Variants in GPC5 observed in about 807,000 individuals in gnomAD.
GPC5 encodes the protein glypican 5.
In GPC5, 47 loss-of-function variants were observed where a neutral mutation model predicts 53.9. The ratio of observed to expected loss-of-function variants is 0.87; its 90% confidence interval spans 0.69 to 1.11. GPC5 has a LOEUF of 1.11. GPC5 is among the 50% of genes most tolerant of loss of function. The pLI is 0.00. For synonymous variants in GPC5, 286 were observed against 263.3 expected (o/e 1.09, Z -0.84); for missense variants, 748 against 713.1 (o/e 1.05, Z -0.56).
chr13:92,697,706 G>T (rs538406290), intron 7 of GPC5, among the ~76,000 whole-genome samples: 42 of 152,142 alleles, frequency 2.8e-4, no homozygotes, highest in African/African-American at 1.0e-3. Flanking sequence ...TTACCTGATT[G>T]CCCTGGCCAG....
chr13:92,639,928 G>T (rs1429622703), intron 7 of GPC5, among the ~76,000 whole-genome samples: 1 of 151,784 alleles, frequency 6.6e-6, no homozygotes, highest in Non-Finnish European at 1.5e-5. Flanking sequence ...CCTACTCACT[G>T]CTTCTAGAAA....
chr13:92,406,646 T>C (rs1875808831), intron 7 of GPC5, among the ~76,000 whole-genome samples: 1 of 152,184 alleles, frequency 6.6e-6, no homozygotes, highest in African/African-American at 2.4e-5. Context: ...TTAACTCATA[T>C]CATGTTTACT....
intron 7 of GPC5, among the ~76,000 whole-genome samples, chr13:92,481,759 C>A (rs1879364794): frequency 6.6e-6 from 1 of 151,924 alleles, no homozygotes; most frequent in Admixed American, 6.6e-5. Flanking sequence ...AAATCAAATT[C>A]TATTGGGAGA....
Position 91,816,181 on chromosome 13 carries a change from G to A in GPC5, c.1280+59761G>A, listed in dbSNP as rs569122803. On this transcript the variant is annotated intron_variant, in intron 5 of 7. Transcript: ENST00000377067. Reference sequence around the variant, plus strand: ...AATTTATTTGCGTGTTGACTGCCCCGCCTCCAAGCCCCTCACCCTTCTGCT... The same window carrying A: ...AATTTATTTGCGTGTTGACTGCCCCACCTCCAAGCCCCTCACCCTTCTGCT... Among the ~76,000 whole-genome samples the A allele has an allele frequency of 6.6e-5, 10 of 152,186 alleles. No homozygotes were observed. The South Asian group carries it at 1.9e-3, about 28-fold the overall frequency.
intron 7 of GPC5, among the ~76,000 whole-genome samples, chr13:92,764,016 T>C (rs1406342082): frequency 6.6e-6 from 1 of 152,178 alleles, no homozygotes; most frequent in Non-Finnish European, 1.5e-5. Context: ...GTTTTGCCTG[T>C]AGGGCTGGGC....
chr13:92,809,327 G>T (rs775377977), intron 7 of GPC5, among the ~76,000 whole-genome samples: 2 of 152,130 alleles, frequency 1.3e-5, no homozygotes, highest in Non-Finnish European at 1.5e-5. Flanking sequence ...TCATAGGCAT[G>T]GTTCAAACAT....
chr13:92,385,209 A>G (rs2139313403), intron 7 of GPC5, among the ~76,000 whole-genome samples: 1 of 151,286 alleles, frequency 6.6e-6, no homozygotes, highest in Admixed American at 6.6e-5. Context: ...AATACATTTT[A>G]TTATATTTCA....
At chr13:92,564,598 T>G (rs1486944297) in intron 7 of GPC5, among the ~76,000 whole-genome samples, 1 of 152,034 alleles carries the variant, frequency 6.6e-6, no homozygotes, top group African/African-American at 2.4e-5. Context: ...CATTGAAGTT[T>G]GGGATACAAA....
At chr13:92,514,422 C>T (rs1282692713) in intron 7 of GPC5, among the ~76,000 whole-genome samples, 1 of 152,196 alleles carries the variant, frequency 6.6e-6, no homozygotes, top group East Asian at 1.9e-4. Context: ...GCTCTGTGTT[C>T]AGCCCAGAAA....
At chr13:92,481,281 T>A (rs1337913474) in intron 7 of GPC5, among the ~76,000 whole-genome samples, 2 of 151,926 alleles carry the variant, frequency 1.3e-5, no homozygotes, top group East Asian at 3.9e-4. Context: ...TTTGTATTTT[T>A]AGTAGGAACA....
At chr13:91,763,730 C>T (rs73609143) in intron 5 of GPC5, among the ~76,000 whole-genome samples, 3,791 of 152,134 alleles carry the variant, frequency 0.025, 154 homozygotes, top group African/African-American at 0.085. Flanking sequence ...ATTACACTTT[C>T]TTGGTAGGTA....
rs575090748 is a variant in GPC5, at chr13:92,649,146, C to T, written c.1562-217136C>T. Among the ~76,000 whole-genome samples the T allele has an allele frequency of 1.1e-3, 163 of 152,218 alleles. 1 individual carries two copies. Among genetic ancestry groups the T allele is most frequent in the African/African-American group, 3.6e-3 (151 of 41,552 alleles). ...GCATATTTCTAAATTAATAAGAAAACTGAAAACCACAAACATCTATTTCCA... is the reference window on the plus strand; with the variant it reads ...GCATATTTCTAAATTAATAAGAAAATTGAAAACCACAAACATCTATTTCCA... On this transcript the variant is annotated intron_variant, in intron 7 of 7. Transcript: ENST00000377067.
At chr13:91,891,954 C>T (rs942172533) in intron 5 of GPC5, among the ~76,000 whole-genome samples, 2 of 151,970 alleles carry the variant, frequency 1.3e-5, no homozygotes, top group African/African-American at 2.4e-5. Flanking sequence ...AAACTTAGAA[C>T]AACTATGGAT....
chr13:92,070,483 G>A (rs2041202008), intron 6 of GPC5, among the ~76,000 whole-genome samples: 2 of 152,050 alleles, frequency 1.3e-5, no homozygotes, highest in South Asian at 2.1e-4. Flanking sequence ...TATTAAATGA[G>A]GTCTTCCCAG....
At chr13:91,634,116 G>A (rs550415094) in intron 2 of GPC5, among the ~76,000 whole-genome samples, 1 of 152,062 alleles carries the variant, frequency 6.6e-6, no homozygotes, top group African/African-American at 2.4e-5. Flanking sequence ...CTTCACCTTT[G>A]AGAATCCTGA....
At chr13:92,299,694 C>T (rs2043062027) in intron 7 of GPC5, among the ~76,000 whole-genome samples, 1 of 152,096 alleles carries the variant, frequency 6.6e-6, no homozygotes, top group South Asian at 2.1e-4. Context: ...GATTACTATT[C>T]TAGTTTAAAA....
intron 1 of GPC5, among the ~76,000 whole-genome samples, chr13:91,422,074 C>G (rs914646689): frequency 1.3e-5 from 2 of 152,186 alleles, no homozygotes; most frequent in Admixed American, 1.3e-4. Context: ...TCCTGAGTCT[C>G]TCAGCGCTAC....
intron 6 of GPC5, among the ~76,000 whole-genome samples, chr13:91,944,243 C>T (rs539172867): frequency 6.6e-6 from 1 of 152,066 alleles, no homozygotes; most frequent in East Asian, 1.9e-4. Context: ...CTACAGGCAC[C>T]TGCCACCACG....
At chr13:92,603,620 T>C (rs1191509631) in intron 7 of GPC5, among the ~76,000 whole-genome samples, 1 of 152,222 alleles carries the variant, frequency 6.6e-6, no homozygotes, top group Non-Finnish European at 1.5e-5. Context: ...ATCTCTTTCA[T>C]GGTTGTATTA....
Sources: allele counts gnomAD v4.1 joint callset (sites outside exome capture counted in the v4.1 genomes callset), GRCh38; gene constraint gnomAD v4.1.1; transcripts MANE v1.5; gene names NCBI Gene and HGNC (gene_info 2026-07-23, HGNC 2026-07-21).